The following PCNT variants were observed in gnomAD, a reference collection of about 807,000 sequenced individuals.
PCNT encodes kendrin.
Under a neutral mutation model 380.4 loss-of-function variants are expected in PCNT, and 319 were observed. That is an observed-to-expected ratio of 0.84 (90% CI 0.77 to 0.92). PCNT has a LOEUF of 0.92. PCNT is among the 40% of genes least tolerant of loss of function. The pLI, the probability that PCNT is intolerant of heterozygous loss-of-function variation, is 0.00. For missense variants in PCNT, 4,400 were observed against 4,255.3 expected (o/e 1.03, Z -0.95); for synonymous variants, 1,845 against 1,735.2 (o/e 1.06, Z -1.57).
rs200294006 is a variant in PCNT, at chr21:46,353,237, T to C, written c.1590T>C (p.Ala530=). The part of the protein sequence containing the change: ...RIYFEKKLRD[A]EKTYQEDLTL... ...ATTTTGAAAAGAAGTTAAGGGATGCTGAGAAAACTTACCAAGAAGACCTAA... is the reference window on the plus strand; with the variant it reads ...ATTTTGAAAAGAAGTTAAGGGATGCCGAGAAAACTTACCAAGAAGACCTAA... The change falls in exon 10 of 47, where the codon GCT becomes GCC. Residue 530 remains alanine (A), a synonymous_variant. Transcript: ENST00000359568. 8.6e-5 allele frequency: 139 copies of C among 1,614,024 alleles called. No individual in the cohort carries two copies. The highest frequency in any genetic ancestry group is 1.1e-4 in the Non-Finnish European group (127 of 1,180,012).
Position 46,381,674 on chromosome 21 carries a change from A to G in PCNT, c.3166-20A>G, listed in dbSNP as rs2085546617. 3 of 1,608,474 alleles carry G rather than the reference A, an allele frequency of 1.9e-6. No individual in the cohort carries two copies. The highest frequency in any genetic ancestry group is 1.7e-4 in the Middle Eastern group (1 of 6,054). On this transcript the variant is annotated intron_variant, in intron 15 of 46. Coordinates refer to ENST00000359568, the MANE Select transcript of PCNT (RefSeq NM_006031.6). The stretch of plus-strand genomic sequence containing the variant: ...TTTTTCTAGCTTACTGGTATTTTTT[A>G]TTGTTATTGATGTGTACAGGGTGAA...
intron 42 of PCNT, 119 bp from the exon 43 acceptor site, chr21:46,440,736 A>T: frequency 1.4e-6 from 1 of 735,676 alleles, no homozygotes; most frequent in Admixed American, 2.0e-5. Flanking sequence ...TGGCTCTGTG[A>T]TGATTTGATG....
rs35557109 is a variant in PCNT at position 46,431,688 on chromosome 21, G to C, written c.8224G>C (p.Glu2742Gln). The C allele has an allele frequency of 4.3e-4, 686 of 1,612,736 alleles. 4 individuals are homozygous for C. In the African/African-American group the frequency reaches 8.0e-3, roughly 19 times the overall value. The change falls in exon 38 of 47, where the codon GAG becomes CAG. Residue 2742 changes from glutamate to glutamine, a missense_variant. Coordinates refer to ENST00000359568, the MANE Select transcript of PCNT (RefSeq NM_006031.6). Reference sequence around the variant, plus strand: ...GGCTCAGGAGCGGAGCCAGCTCTCTGAGCTCCAGAAGGACCTTGCGGCTGA... The same window carrying C: ...GGCTCAGGAGCGGAGCCAGCTCTCTCAGCTCCAGAAGGACCTTGCGGCTGA... ...LLAQERSQLS[E>Q]LQKDLAAEKS...
intron 14 of PCNT, 67 bp downstream of exon 14, chr21:46,364,001 C>T (rs2146860544): frequency 6.8e-7 from 1 of 1,470,590 alleles, no homozygotes. Context: ...AGAAGGTGGG[C>T]AGGCTCCTGG....
At chr21:46,424,218 C>T (rs1342268206) in intron 32 of PCNT, among the ~76,000 whole-genome samples, 2 of 152,336 alleles carry the variant, frequency 1.3e-5, no homozygotes, top group African/African-American at 4.8e-5. Context: ...CGGGTGGGGC[C>T]CCGGCCACTC....
chr21:46,432,286 T>TG, intron 38 of PCNT, 71 bp downstream of exon 38: 1 of 1,440,248 alleles, frequency 6.9e-7, no homozygotes, highest in Non-Finnish European at 9.5e-7. Flanking sequence ...ATGGTTCACG[T>TG]GGGGGACGCG....
intron 2 of PCNT, 56 bp downstream of exon 2, chr21:46,326,645 G>A: frequency 6.5e-7 from 1 of 1,532,900 alleles, no homozygotes; most frequent in Non-Finnish European, 9.0e-7. Context: ...GTGATTTCTA[G>A]TGTGATTTAC....
chr21:46,366,550 G>T, intron 14 of PCNT, 34 bp from the exon 15 acceptor site: 3 of 1,585,638 alleles, frequency 1.9e-6, no homozygotes, highest in Non-Finnish European at 2.6e-6. Context: ...CCTGATGCAT[G>T]TTTAACTGTC....
In PCNT at chr21:46,384,239, C is replaced by T. The variant is rs1312614725; in HGVS notation, c.3313-1593C>T. On this transcript the variant is annotated intron_variant, in intron 16 of 46. Transcript: ENST00000359568. ...ATTCACGGTGTTGTGCGTTCAGTGG[C>T]GGAAGCGCATTCACAGTGTTGTATA... is the stretch of plus-strand genomic sequence containing the variant. Among the ~76,000 whole-genome samples, 9 of 146,568 alleles carry T rather than the reference C, an allele frequency of 6.1e-5. 1 individual carries two copies. Among genetic ancestry groups the T allele is most frequent in the African/African-American group, 1.0e-4 (4 of 40,170 alleles).
intron 15 of PCNT, among the ~76,000 whole-genome samples, chr21:46,372,903 A>G (rs1342244453): frequency 6.6e-6 from 1 of 152,118 alleles, no homozygotes; most frequent in Non-Finnish European, 1.5e-5. Context: ...TTTTCCAGGG[A>G]CTCATGCTAA....
intron 44 of PCNT, chr21:46,443,132 G>A (rs998586679): frequency 2.4e-5 from 4 of 166,392 alleles, no homozygotes; most frequent in East Asian, 1.7e-4. Context: ...GTGTGGCTCC[G>A]GGCCTGTGGG....
At position 46,441,072 on chromosome 21, in the gene PCNT, T is replaced by C. The variant is rs770154169; in HGVS notation, c.9611T>C (p.Ile3204Thr). 6.2e-5 allele frequency: 100 copies of C among 1,609,300 alleles called. 1 individual carries two copies. The South Asian group carries it at 1.0e-3, about 17-fold the overall frequency. The change falls in exon 43 of 47, where the codon ATT (isoleucine) becomes ACT (threonine). Residue 3204 changes from isoleucine to threonine, a missense_variant. Ile to Thr is a moderately conservative substitution (Grantham distance 89). Coordinates refer to ENST00000359568, the MANE Select transcript of PCNT (RefSeq NM_006031.6). ...TRFRTAVRVV[I>T]AILRLRFLVK... ...TTCCGCACGGCCGTCAGGGTGGTCA[T>C]TGCAATATTAAGGTAAATGCCATGA...
chr21:46,373,056 C>G (rs2085205273), intron 15 of PCNT, among the ~76,000 whole-genome samples: 1 of 152,224 alleles, frequency 6.6e-6, no homozygotes, highest in Non-Finnish European at 1.5e-5. Context: ...GGATCTTGCT[C>G]TGTCGCCCAG....
At chr21:46,410,445 T>G (rs1398033858) in intron 27 of PCNT, among the ~76,000 whole-genome samples, 1 of 152,230 alleles carries the variant, frequency 6.6e-6, no homozygotes, top group Non-Finnish European at 1.5e-5. Flanking sequence ...CACAAATGGA[T>G]TAGAATTTTT....
chr21:46,345,613 C>T (rs914591278), intron 3 of PCNT, among the ~76,000 whole-genome samples: 3 of 152,160 alleles, frequency 2.0e-5, no homozygotes, highest in Admixed American at 1.3e-4. Flanking sequence ...GCATACGATT[C>T]ACCATTTTAA....
chr21:46,355,597 G>C lies in PCNT; in HGVS notation c.1907G>C (p.Arg636Pro), dbSNP rs201188810. ...VETSALGHEW[R>P]LEPSEGHSQE... ...ACTTCAGCATTGGGACACGAGTGGC[G>C]TCTGGAACCCTCTGAAGGGCACAGC... Residue 636 changes from arginine to proline, a missense_variant, in exon 12 of 47, where the codon CGT becomes CCT. By Grantham distance (103) the Arg-to-Pro change is moderately radical. Transcript: ENST00000359568. 2 of 1,614,010 alleles carry C rather than the reference G, an allele frequency of 1.2e-6. No individual in the cohort carries two copies. The highest frequency in any genetic ancestry group is 2.2e-5 in the South Asian group (2 of 91,054).
intron 41 of PCNT, 67 bp from the exon 42 acceptor site, chr21:46,440,016 C>G: frequency 6.3e-7 from 1 of 1,597,886 alleles, no homozygotes; most frequent in Non-Finnish European, 8.6e-7. Flanking sequence ...CTGCCCCCGG[C>G]TGCGTCTCTA....
chr21:46,384,180 A>G, intron 16 of PCNT, among the ~76,000 whole-genome samples: 1 of 144,632 alleles, frequency 6.9e-6, no homozygotes, highest in Admixed American at 7.0e-5. Flanking sequence ...GCGGAAGCGC[A>G]TTCACGGTGT....
At chr21:46,403,198 C>T (rs1021972050) in intron 27 of PCNT, among the ~76,000 whole-genome samples, 7 of 138,056 alleles carry the variant, frequency 5.1e-5, no homozygotes, top group African/African-American at 1.6e-4. Context: ...ATGAACACAG[C>T]GTGGGAGAAT....
Sources: allele counts gnomAD v4.1 joint callset (sites outside exome capture counted in the v4.1 genomes callset), GRCh38; gene constraint gnomAD v4.1.1; transcripts MANE v1.5; gene names NCBI Gene and HGNC (gene_info 2026-07-23, HGNC 2026-07-21).